The following ROBO2 variants were observed in gnomAD, a reference collection of about 807,000 sequenced individuals.
The protein encoded by ROBO2 is roundabout homolog 2.
A neutral mutation model predicts 160.8 loss-of-function variants in ROBO2; 53 were observed. The ratio of observed to expected loss-of-function variants is 0.33; its 90% CI spans 0.26 to 0.41. The LOEUF is 0.41. Ranked by LOEUF, ROBO2 falls within the 10% of genes least tolerant of loss-of-function variation. The pLI, the probability that ROBO2 is intolerant of heterozygous loss-of-function variation, is 1.00. For synonymous variants in ROBO2, 664 were observed against 611.7 expected (o/e 1.09, Z -1.26); for missense variants, 1,577 against 1,722.4 (o/e 0.92, Z 1.49).
At chr3:75,923,338 C>T (rs1173465322) in intron 1 of ROBO2, among the ~76,000 whole-genome samples, 1 of 152,196 alleles carries the variant, frequency 6.6e-6, no homozygotes, top group Non-Finnish European at 1.5e-5. Context: ...GGCTTCTGTA[C>T]ATAAAAGTCA....
At chr3:76,381,189 G>T (rs2076604970) in intron 2 of ROBO2, among the ~76,000 whole-genome samples, 1 of 151,976 alleles carries the variant, frequency 6.6e-6, no homozygotes, top group Non-Finnish European at 1.5e-5. Context: ...TTAGCACATT[G>T]GAAACTTTTA....
At chr3:77,079,221 A>T (rs545773529) in intron 1 of ROBO2, among the ~76,000 whole-genome samples, 14 of 152,266 alleles carry the variant, frequency 9.2e-5, no homozygotes, top group Middle Eastern at 3.4e-3. Context: ...TGCTGGGATT[A>T]CACGCGTGAG....
chr3:77,536,000 G>A (rs1352345215), intron 6 of ROBO2, among the ~76,000 whole-genome samples: 2 of 152,250 alleles, frequency 1.3e-5, no homozygotes, highest in East Asian at 3.9e-4. Context: ...TGATTGCAAT[G>A]TAGAAATATT....
chr3:77,143,231 G>A (rs1238330883), intron 2 of ROBO2, among the ~76,000 whole-genome samples: 1 of 132,976 alleles, frequency 7.5e-6, no homozygotes, highest in African/African-American at 2.9e-5. Context: ...TGTTGCCCAG[G>A]CTGGAGTGCA....
At chr3:76,493,130 A>C (rs1050748991) in intron 2 of ROBO2, among the ~76,000 whole-genome samples, 1 of 151,730 alleles carries the variant, frequency 6.6e-6, no homozygotes, top group Non-Finnish European at 1.5e-5. Flanking sequence ...CTCAATATTT[A>C]AAAGTAGGTA....
intron 2 of ROBO2, among the ~76,000 whole-genome samples, chr3:77,221,876 C>T (rs1169187275): frequency 6.9e-5 from 9 of 130,916 alleles, no homozygotes; most frequent in Admixed American, 1.6e-4. Context: ...TTTTTTGAGA[C>T]AGAGTCTTGC....
In ROBO2 at chr3:76,333,541, G is replaced by A. The variant is rs183674472; in HGVS notation, c.109+395939G>A. ...TGGAAATTTCTTAATAAAAAGATGT[G>A]GTTGCTGATCTTAAGGAGCCTCAAT... On this transcript the variant is annotated intron_variant, in intron 2 of 26. Coordinates refer to the ROBO2 transcript ENST00000487694. 2.0e-5 allele frequency among the ~76,000 whole-genome samples: 3 copies of A among 152,208 alleles called. No homozygotes were observed. In the East Asian group the frequency reaches 5.8e-4, roughly 29 times the overall value.
intron 2 of ROBO2, among the ~76,000 whole-genome samples, chr3:75,965,978 A>C (rs1317794205): frequency 6.6e-6 from 1 of 151,780 alleles, no homozygotes; most frequent in Non-Finnish European, 1.5e-5. Context: ...GAAATTCTGT[A>C]AGATAATGAA....
intron 2 of ROBO2, among the ~76,000 whole-genome samples, chr3:76,165,655 T>C (rs766739505): frequency 3.3e-5 from 5 of 152,190 alleles, no homozygotes; most frequent in Non-Finnish European, 7.3e-5. Flanking sequence ...CTTACTGAGC[T>C]TAATCATTTT....
chr3:76,434,305 A>T (rs751669573), intron 2 of ROBO2: 2 of 1,082,850 alleles, frequency 1.8e-6, no homozygotes, highest in Non-Finnish European at 1.4e-6. Flanking sequence ...AAGCTTTCCA[A>T]TTTGTTGGCA....
intron 2 of ROBO2, among the ~76,000 whole-genome samples, chr3:76,601,078 T>C (rs549255483): frequency 6.6e-6 from 1 of 152,218 alleles, no homozygotes; most frequent in East Asian, 1.9e-4. Context: ...TCCATAATGA[T>C]CTCCTTTGAC....
At chr3:76,990,183 C>T (rs982279451) in intron 2 of ROBO2, among the ~76,000 whole-genome samples, 5 of 152,110 alleles carry the variant, frequency 3.3e-5, no homozygotes, top group Non-Finnish European at 7.4e-5. Context: ...GGATTCATCA[C>T]GATGTATTTT....
intron 2 of ROBO2, among the ~76,000 whole-genome samples, chr3:75,980,393 A>T (rs1343935207): frequency 6.6e-6 from 1 of 151,462 alleles, no homozygotes; most frequent in Admixed American, 6.6e-5. Context: ...TTTGAATTTG[A>T]CTTTCAGTCT....
rs2077906789 is a variant in ROBO2, at chr3:76,938,565, C to G, written c.110-159449C>G. Among the ~76,000 whole-genome samples the G allele has an allele frequency of 2.0e-5, 3 of 152,180 alleles. No homozygotes were observed. In the South Asian group the frequency reaches 6.2e-4, roughly 32 times the overall value. The stretch of plus-strand genomic sequence containing the variant: ...TCCAATTCTAGAAATTGATAGAAGG[C>G]CAGCTCATAGTGAGACCACATGTAC... On this transcript the variant is annotated intron_variant, in intron 2 of 26. Transcript: ENST00000487694.
chr3:76,505,924 A>C (rs1351952477), intron 2 of ROBO2, among the ~76,000 whole-genome samples: 1 of 152,230 alleles, frequency 6.6e-6, no homozygotes, highest in Non-Finnish European at 1.5e-5. Flanking sequence ...TATTTTATAC[A>C]CTTACACATT....
chr3:76,480,781 G>T (rs1419224350), intron 2 of ROBO2, among the ~76,000 whole-genome samples: 12 of 152,062 alleles, frequency 7.9e-5, no homozygotes, highest in Non-Finnish European at 1.3e-4. Flanking sequence ...TATTTTGGGT[G>T]GACCCAAACA....
intron 2 of ROBO2, among the ~76,000 whole-genome samples, chr3:76,223,964 A>G (rs755039299): frequency 1.7e-4 from 26 of 152,232 alleles, no homozygotes; most frequent in Non-Finnish European, 3.8e-4. Flanking sequence ...TATTTTGCAT[A>G]TCTCTAAAAA....
chr3:77,133,004 A>ATATT (rs946748255), intron 2 of ROBO2, among the ~76,000 whole-genome samples: 3 of 152,154 alleles, frequency 2.0e-5, no homozygotes, highest in African/African-American at 7.2e-5. Context: ...TGCTGTATAA[A>ATATT]TGCTCCATGT....
chr3:76,903,556 C>T (rs552318811), intron 2 of ROBO2, among the ~76,000 whole-genome samples: 24 of 152,122 alleles, frequency 1.6e-4, no homozygotes, highest in Non-Finnish European at 3.2e-4. Flanking sequence ...CCATCCCCCA[C>T]ACCATCCCAG....
Sources: gnomAD v4.1 joint callset for allele counts (sites outside exome capture counted in the v4.1 genomes callset) on GRCh38, gnomAD v4.1.1 for gene constraint, MANE v1.5 for transcripts, NCBI Gene and HGNC (gene_info 2026-07-23, HGNC 2026-07-21) for gene names.